CCND3: variants seen among roughly 807,000 people sequenced by gnomAD.
CCND3 encodes the protein G1/S-specific cyclin-D3.
Under a neutral mutation model 28.7 loss-of-function variants are expected in CCND3, and 9 were observed. That is an observed-to-expected ratio of 0.31 (90% CI 0.19 to 0.55). The LOEUF (loss-of-function observed/expected upper bound fraction) is 0.55. Among genes scored for constraint, CCND3 ranks in the 20% least tolerant of loss-of-function variants. The probability of loss-of-function intolerance (pLI) is 0.93; values close to 1 mark genes in which losing one functional copy is unlikely to be tolerated. For missense variants in CCND3, 315 were observed against 385.8 expected (o/e 0.82, Z 1.54); for synonymous variants, 164 against 163.9 (o/e 1.00, Z 0.00).
At chr6:41,949,033 T>C (rs755961659) in intron 1 of CCND3, among the ~76,000 whole-genome samples, 1 of 152,160 alleles carries the variant, frequency 6.6e-6, no homozygotes, top group Admixed American at 6.5e-5. Flanking sequence ...AGTGTGGCCA[T>C]AGATTCCCTG....
intron 1 of CCND3, among the ~76,000 whole-genome samples, chr6:42,016,534 C>T (rs1763518022): frequency 6.6e-6 from 1 of 151,430 alleles, no homozygotes; most frequent in Non-Finnish European, 1.5e-5. Flanking sequence ...CAACACTCAA[C>T]ACGGTGCCTA....
intron 1 of CCND3, among the ~76,000 whole-genome samples, chr6:42,001,532 G>T (rs1385662689): frequency 1.3e-5 from 2 of 152,156 alleles, no homozygotes; most frequent in Non-Finnish European, 2.9e-5. Flanking sequence ...TTCTATACAT[G>T]TATAGTCTTA....
chr6:42,023,605 T>C (rs1763777327), intron 1 of CCND3, among the ~76,000 whole-genome samples: 1 of 152,152 alleles, frequency 6.6e-6, no homozygotes, highest in South Asian at 2.1e-4. Context: ...CTGGTGAGAA[T>C]AGCGAGAACT....
At chr6:41,995,321 G>C (rs930315158) in intron 1 of CCND3, among the ~76,000 whole-genome samples, 1 of 151,994 alleles carries the variant, frequency 6.6e-6, no homozygotes, top group Non-Finnish European at 1.5e-5. Context: ...GCAGTGGTGC[G>C]ATCTCAGCGC....
intron 1 of CCND3, among the ~76,000 whole-genome samples, chr6:42,003,654 A>G (rs1721371490): frequency 1.3e-5 from 2 of 151,746 alleles, no homozygotes; most frequent in Non-Finnish European, 2.9e-5. Flanking sequence ...CAGTAAAGTT[A>G]AAAGTTTAAC....
At position 41,940,964 on chromosome 6, in the gene CCND3, G is replaced by C. The variant is rs377533687; in HGVS notation, c.199-379C>G. The stretch of plus-strand genomic sequence containing the variant: ...CCACTGCACACACCCGAGGGGAAGG[G>C]AGGAGGCTCCTGCCGCTGCCTCCTG... On this transcript the variant is annotated intron_variant, in intron 1 of 4. Transcript: ENST00000372991. 420 of 1,612,838 alleles carry C rather than the reference G, an allele frequency of 2.6e-4. 3 individuals carry two copies. In the African/African-American group the frequency reaches 5.1e-3, roughly 20 times the overall value.
At chr6:41,945,945 C>T (rs1302046306), upstream of CCND3, among the ~76,000 whole-genome samples, 27 of 152,182 alleles carry the variant, frequency 1.8e-4, no homozygotes, top group Non-Finnish European at 1.5e-5. Flanking sequence ...GCATCCATAA[C>T]CCCTCTAAGA....
chr6:41,938,807 G>A lies in CCND3; in HGVS notation c.415-1413C>T, dbSNP rs984849955. Among the ~76,000 whole-genome samples the A allele has an allele frequency of 6.6e-6, 1 of 152,140 alleles. No individual in the cohort carries two copies. Among genetic ancestry groups the A allele is most frequent in the African/African-American group, 2.4e-5 (1 of 41,416 alleles). On this transcript the variant is annotated intron_variant, in intron 2 of 4. Coordinates refer to ENST00000372991, the MANE Select transcript of CCND3 (RefSeq NM_001760.5). This position sits in a 1 kb window ranked among gnomAD's most constrained non-coding sequence, Gnocchi z 4.6. ...CTCATCTGCTCAGTGCGATGCTGAG[G>A]CAGGACCTTGCCCTCCTTCCTTGGG...
At position 42,024,398 on chromosome 6, in the gene CCND3, G is replaced by A. The variant is rs555480951; in HGVS notation, c.-46+24103C>T. ...AGCCTGGGTGACAGAGCAAGACTCA[G>A]TCTCAAAAAAAAAAAATAATAATAA... On this transcript the variant is annotated intron_variant, in intron 1 of 4. Transcript: ENST00000372988. Among the ~76,000 whole-genome samples, 5 of 116,102 alleles carry A rather than the reference G, an allele frequency of 4.3e-5. No homozygotes were observed. In the South Asian group the frequency reaches 1.3e-3, roughly 30 times the overall value. 76.2% of individuals were successfully genotyped at this position (116,102 alleles called of 152,430 possible).
chr6:42,023,842 G>A (rs980250538), intron 1 of CCND3, among the ~76,000 whole-genome samples: 4 of 152,040 alleles, frequency 2.6e-5, no homozygotes, highest in African/African-American at 9.7e-5. Flanking sequence ...GACTCTGAAG[G>A]TTTTATTATT....
At chr6:41,990,425 C>T (rs967290918) in intron 1 of CCND3, among the ~76,000 whole-genome samples, 11 of 151,832 alleles carry the variant, frequency 7.2e-5, no homozygotes, top group African/African-American at 2.7e-4. Flanking sequence ...GTATATTCTT[C>T]ATAGAAATAG....
intron 1 of CCND3, among the ~76,000 whole-genome samples, chr6:41,998,085 T>G (rs1415229187): frequency 2.0e-5 from 3 of 151,726 alleles, no homozygotes; most frequent in African/African-American, 7.3e-5. Flanking sequence ...GGTCAGGAGT[T>G]CAAGACCAGC....
chr6:41,965,637 G>A (rs1452198505), intron 1 of CCND3, among the ~76,000 whole-genome samples: 1 of 152,146 alleles, frequency 6.6e-6, no homozygotes, highest in Non-Finnish European at 1.5e-5. Flanking sequence ...AGAACAGCCA[G>A]GAAGGTCAGG....
At chr6:42,035,700 C>T (rs1201441647) in intron 1 of CCND3, among the ~76,000 whole-genome samples, 8 of 147,594 alleles carry the variant, frequency 5.4e-5, no homozygotes, top group South Asian at 4.3e-4. Context: ...TTTTTTGAGC[C>T]GGAGTCTCAC....
chr6:42,004,520 C>G (rs1763122534), intron 1 of CCND3, among the ~76,000 whole-genome samples: 1 of 152,076 alleles, frequency 6.6e-6, no homozygotes, highest in African/African-American at 2.4e-5. Context: ...ATTACGAGGT[C>G]AGGAGTTCAA....
chr6:41,981,948 C>T (rs1181180644), intron 1 of CCND3, among the ~76,000 whole-genome samples: 1 of 152,018 alleles, frequency 6.6e-6, no homozygotes, highest in African/African-American at 2.4e-5. Flanking sequence ...TCAGCCTGGA[C>T]AGCATAGTGA....
chr6:41,943,406 A>G (rs1041163193), upstream of CCND3, among the ~76,000 whole-genome samples: 4 of 152,170 alleles, frequency 2.6e-5, no homozygotes, highest in Non-Finnish European at 5.9e-5. Flanking sequence ...CATTAAAAAA[A>G]TACTGTTAAC....
intron 1 of CCND3, among the ~76,000 whole-genome samples, chr6:42,015,259 C>T (rs973955868): frequency 6.6e-6 from 1 of 152,056 alleles, no homozygotes; most frequent in African/African-American, 2.4e-5. Flanking sequence ...CTCAAAGTAG[C>T]GCCACCCAAG....
At chr6:41,954,024 G>C (rs879436917) in intron 1 of CCND3, among the ~76,000 whole-genome samples, 4 of 151,798 alleles carry the variant, frequency 2.6e-5, no homozygotes, top group Non-Finnish European at 5.9e-5. Context: ...GCCAAGGCTG[G>C]TGGATCACTT....
Sources: allele counts gnomAD v4.1 joint callset (sites outside exome capture counted in the v4.1 genomes callset), GRCh38; gene constraint gnomAD v4.1.1; non-coding constraint Gnocchi (gnomAD v3.1); transcripts MANE v1.5; gene names NCBI Gene and HGNC (gene_info 2026-07-23, HGNC 2026-07-21).